AFF3: variants seen among roughly 807,000 people sequenced by gnomAD.
AFF3 encodes the protein ALF transcription elongation factor 3, also known as AF4/FMR2 family member 3.
AFF3 carries 32 observed loss-of-function variants against 129.7 expected under a neutral mutation model. The ratio of observed to expected loss-of-function variants is 0.25; its 90% CI spans 0.19 to 0.33. The LOEUF is 0.33. AFF3 is among the 10% of genes least tolerant of loss of function. AFF3 has a pLI of 1.00. For missense variants in AFF3, 1,373 were observed against 1,592.0 expected (o/e 0.86, Z 2.34); for synonymous variants, 644 against 635.4 (o/e 1.01, Z -0.20).
At chr2:99,635,234 GAT>G (rs1208172147) in intron 13 of AFF3, among the ~76,000 whole-genome samples, 15 of 150,378 alleles carry the variant, frequency 1.0e-4, no homozygotes, top group African/African-American at 3.4e-4. Flanking sequence ...CTATGTATAT[GAT>G]ATATATACGT....
At chr2:99,887,641 T>C (rs1277999578) in intron 7 of AFF3, among the ~76,000 whole-genome samples, 4 of 152,232 alleles carry the variant, frequency 2.6e-5, no homozygotes, top group Non-Finnish European at 5.9e-5. Flanking sequence ...AAATCATGGT[T>C]CATAACACAA....
intron 2 of AFF3, chr2:100,106,510 C>G: frequency 1.0e-6 from 1 of 1,000,624 alleles, no homozygotes; most frequent in Non-Finnish European, 1.2e-6. Context: ...TTTGCTTTGG[C>G]GAAAGTGAGA....
rs1169765856 is a variant in AFF3, at chr2:99,837,461, T to C, written c.921+16A>G. On this transcript the variant is annotated intron_variant, in intron 8 of 24. Transcript: ENST00000672756. ...TGTCCCACAGATTGATAAGACTGTTTAAAGAATAATCTTACCCGGATTATT... is the reference window on the plus strand; with the variant it reads ...TGTCCCACAGATTGATAAGACTGTTCAAAGAATAATCTTACCCGGATTATT... 1 of 1,610,978 alleles carries C rather than the reference T, an allele frequency of 6.2e-7. No homozygotes were observed. Among genetic ancestry groups the C allele is most frequent in the Non-Finnish European group, 8.5e-7 (1 of 1,177,232 alleles).
At chr2:99,629,751 G>T (rs979000577) in intron 13 of AFF3, among the ~76,000 whole-genome samples, 1 of 152,138 alleles carries the variant, frequency 6.6e-6, no homozygotes, top group African/African-American at 2.4e-5. Context: ...GTCCCGGTGT[G>T]CGGATGGCCA....
chr2:99,935,113 T>G (rs1022803469), intron 7 of AFF3, among the ~76,000 whole-genome samples: 1 of 152,210 alleles, frequency 6.6e-6, no homozygotes, highest in African/African-American at 2.4e-5. Context: ...TCATCTAATG[T>G]TTCGCATTAG....
intron 7 of AFF3, among the ~76,000 whole-genome samples, chr2:100,004,951 A>T (rs1269357504): frequency 6.6e-6 from 1 of 152,126 alleles, no homozygotes; most frequent in Non-Finnish European, 1.5e-5. Flanking sequence ...CCTTTTTGAA[A>T]TATTCAGGAC....
intron 7 of AFF3, among the ~76,000 whole-genome samples, chr2:99,844,631 C>T (rs1689593315): frequency 6.6e-6 from 1 of 151,756 alleles, no homozygotes; most frequent in African/African-American, 2.4e-5. Context: ...GATGATGTTT[C>T]ACCATGTTGG....
At chr2:99,579,812 C>T (rs745971320) in intron 17 of AFF3, among the ~76,000 whole-genome samples, 7 of 152,218 alleles carry the variant, frequency 4.6e-5, no homozygotes, top group Non-Finnish European at 1.0e-4. Flanking sequence ...ACTTGGGATA[C>T]AGACATTTAC....
intron 8 of AFF3, among the ~76,000 whole-genome samples, chr2:99,784,375 C>T (rs779709804): frequency 6.6e-6 from 1 of 152,184 alleles, no homozygotes; most frequent in Non-Finnish European, 1.5e-5. Context: ...TGCCAAACCT[C>T]TGCAGGCTCT....
intron 7 of AFF3, among the ~76,000 whole-genome samples, chr2:99,865,994 T>C (rs1441898038): frequency 6.6e-6 from 1 of 152,220 alleles, no homozygotes. Context: ...GCAGCCCGAT[T>C]GGCAGTTAAG....
intron 12 of AFF3, among the ~76,000 whole-genome samples, chr2:99,654,762 T>A (rs1685596612): frequency 6.6e-6 from 1 of 152,198 alleles, no homozygotes; most frequent in Non-Finnish European, 1.5e-5. Context: ...CATGTTCTTT[T>A]TTTTCTGCCA....
chr2:99,861,626 TC>T (rs1324543853), intron 7 of AFF3, among the ~76,000 whole-genome samples: 1 of 152,204 alleles, frequency 6.6e-6, no homozygotes, highest in Non-Finnish European at 1.5e-5. Flanking sequence ...CTTAACCACT[TC>T]CTCTTTTTGT....
chr2:99,798,316 A>G (rs1219826542), intron 8 of AFF3, among the ~76,000 whole-genome samples: 1 of 151,996 alleles, frequency 6.6e-6, no homozygotes, highest in African/African-American at 2.4e-5. Flanking sequence ...GCAAAAGAAG[A>G]CAGGACAAGA....
chr2:99,546,882 C>T lies in AFF3; in HGVS notation c.*4592G>A. Reference sequence around the variant, plus strand: ...TACTGGTTGAACAGGAACCCTGTGGCCATTGAGATGACCTTCTCAAGCTTC... The same window carrying T: ...TACTGGTTGAACAGGAACCCTGTGGTCATTGAGATGACCTTCTCAAGCTTC... On this transcript the variant is annotated 3_prime_UTR_variant, in exon 25 of 25. Transcript: ENST00000672756. The T allele has an allele frequency of 4.5e-6, 1 of 220,382 alleles. No homozygotes were observed. Among genetic ancestry groups the T allele is most frequent in the Non-Finnish European group, 9.1e-6 (1 of 110,064 alleles). The allele number at this position is 220,382 out of a possible 1,614,324, so 13.7% of individuals were successfully genotyped here. A position where few individuals can be genotyped will look rare whatever the true frequency, so the allele number is the denominator to read the frequency against.
At chr2:100,069,458 G>T (rs1022917563) in intron 4 of AFF3, among the ~76,000 whole-genome samples, 9 of 152,300 alleles carry the variant, frequency 5.9e-5, no homozygotes, top group Non-Finnish European at 1.2e-4. Flanking sequence ...TTGCCTAAAT[G>T]AGTCATGGAG....
intron 1 of AFF3, among the ~76,000 whole-genome samples, chr2:100,130,020 A>T (rs1368818998): frequency 1.3e-5 from 2 of 152,178 alleles, no homozygotes; most frequent in African/African-American, 2.4e-5. Context: ...CATATTGTGC[A>T]TGAAAAGGAG....
At chr2:100,137,882 C>T (rs1692698620) in intron 1 of AFF3, among the ~76,000 whole-genome samples, 1 of 152,152 alleles carries the variant, frequency 6.6e-6, no homozygotes, top group Non-Finnish European at 1.5e-5. Flanking sequence ...TGAGGAGTTC[C>T]AGATAACTGC....
chr2:99,885,502 A>G (rs1693046539), intron 7 of AFF3, among the ~76,000 whole-genome samples: 1 of 152,232 alleles, frequency 6.6e-6, no homozygotes. Flanking sequence ...TAATCATTTA[A>G]AACTTATTTT....
intron 7 of AFF3, among the ~76,000 whole-genome samples, chr2:99,921,762 G>A (rs1184252721): frequency 1.3e-5 from 2 of 151,556 alleles, no homozygotes; most frequent in Non-Finnish European, 2.9e-5. Flanking sequence ...ACCATCAAAA[G>A]AATAAACAAG....
Sources: gnomAD v4.1 joint callset for allele counts (sites outside exome capture counted in the v4.1 genomes callset) on GRCh38, gnomAD v4.1.1 for gene constraint, MANE v1.5 for transcripts, NCBI Gene and HGNC (gene_info 2026-07-23, HGNC 2026-07-21) for gene names.